The following MTHFD2L variants were observed in gnomAD, a reference collection of about 807,000 sequenced individuals.
The protein encoded by MTHFD2L is bifunctional methylenetetrahydrofolate dehydrogenase/cyclohydrolase 2, mitochondrial.
A neutral mutation model predicts 34.9 loss-of-function variants in MTHFD2L; 29 were observed. The observed-to-expected ratio is 0.83, with a 90% CI of 0.62 to 1.13. The LOEUF (loss-of-function observed/expected upper bound fraction) is 1.13, where lower values mean the gene tolerates loss of function less well. MTHFD2L is among the 50% of genes most tolerant of loss of function. The pLI, the probability that MTHFD2L is intolerant of heterozygous loss-of-function variation, is 0.00. For missense variants in MTHFD2L, 481 were observed against 446.5 expected (o/e 1.08, Z -0.70); for synonymous variants, 167 against 155.7 (o/e 1.07, Z -0.54).
At chr4:74,196,426 AAC>A (rs1560474749) in intron 3 of MTHFD2L, among the ~76,000 whole-genome samples, 1 of 152,160 alleles carries the variant, frequency 6.6e-6, no homozygotes, top group African/African-American at 2.4e-5. Context: ...AAAGGTATGG[AAC>A]ACACAGAGAA....
intron 6 of MTHFD2L, among the ~76,000 whole-genome samples, chr4:74,272,531 CT>C (rs1283435450): frequency 1.3e-5 from 2 of 151,864 alleles, no homozygotes; most frequent in Non-Finnish European, 2.9e-5. Context: ...AATATATTAA[CT>C]TTTTTGTCAG....
chr4:74,237,568 C>T (rs968409538), intron 6 of MTHFD2L, among the ~76,000 whole-genome samples: 12 of 152,058 alleles, frequency 7.9e-5, no homozygotes, highest in Non-Finnish European at 1.5e-4. Flanking sequence ...GAGCTGAGAT[C>T]GCATCACTGC....
At chr4:74,129,122 A>C (rs1252810304) in intron 1 of MTHFD2L, among the ~76,000 whole-genome samples, 1 of 152,082 alleles carries the variant, frequency 6.6e-6, no homozygotes, top group East Asian at 1.9e-4. Flanking sequence ...TAAATATAAC[A>C]AGTTATTTTA....
At chr4:74,190,588 A>G (rs1267339471) in intron 3 of MTHFD2L, 43 of 874,026 alleles carry the variant, frequency 4.9e-5, no homozygotes, top group Non-Finnish European at 5.2e-5. Context: ...GCGAGGTTAG[A>G]GTGTGTTCCC....
chr4:74,302,444 T>A lies in MTHFD2L; in HGVS notation c.*635T>A, dbSNP rs1477120533. 6.6e-6 allele frequency: 1 copy of A among 152,072 alleles called. No individual in the cohort carries two copies. The highest frequency in any genetic ancestry group is 2.4e-5 in the African/African-American group (1 of 41,416). The allele number at this position is 152,072 out of a possible 1,614,324, so 9.4% of individuals were successfully genotyped here. On this transcript the variant is annotated 3_prime_UTR_variant, in exon 8 of 8. Transcript: ENST00000325278. Reference sequence around the variant, plus strand: ...AAAAATGCAGTGCTGTTTGGAAGTGTAATGATTTTATCACATGGTGAATGA... The same window carrying A: ...AAAAATGCAGTGCTGTTTGGAAGTGAAATGATTTTATCACATGGTGAATGA...
At chr4:74,115,727 C>A (rs1017844754) in intron 2 of MTHFD2L, among the ~76,000 whole-genome samples, 2 of 152,220 alleles carry the variant, frequency 1.3e-5, no homozygotes, top group African/African-American at 2.4e-5. Flanking sequence ...AAGAAATACT[C>A]GTGTATATTA....
intron 1 of MTHFD2L, chr4:74,162,385 A>G (rs1725643182): frequency 6.6e-6 from 1 of 152,104 alleles, no homozygotes; most frequent in African/African-American, 2.4e-5. Flanking sequence ...AACGCTATGT[A>G]GGTTTCTATA....
intron 5 of MTHFD2L, among the ~76,000 whole-genome samples, chr4:74,204,515 T>A (rs574354825): frequency 6.6e-6 from 1 of 152,282 alleles, no homozygotes; most frequent in East Asian, 1.9e-4. Context: ...ATTTTTTGGA[T>A]CATATCTGAT....
In MTHFD2L at chr4:74,173,739, G is replaced by GA. The variant is rs1230462546; in HGVS notation, c.144-761dup. Reference sequence around the variant, plus strand: ...CTGTGCTGATTGATCTGCCTCTTTAGAAAAAATAGCAGAACTTTAAATTTA... The same window carrying GA: ...CTGTGCTGATTGATCTGCCTCTTTAGAAAAAAATAGCAGAACTTTAAATTTA... On this transcript the variant is annotated intron_variant, in intron 1 of 7. Coordinates refer to ENST00000325278, the MANE Select transcript of MTHFD2L (RefSeq NM_001144978.3). Among the ~76,000 whole-genome samples the GA allele has an allele frequency of 2.6e-5, 4 of 152,132 alleles. No individual in the cohort carries two copies. The East Asian group carries it at 5.8e-4, about 22-fold the overall frequency.
At chr4:74,198,126 A>C (rs902017765) in intron 3 of MTHFD2L, among the ~76,000 whole-genome samples, 6 of 152,178 alleles carry the variant, frequency 3.9e-5, no homozygotes, top group African/African-American at 1.2e-4. Flanking sequence ...CTGAATTATG[A>C]TCTGAGTTGA....
chr4:74,181,732 A>G (rs1425470945), intron 3 of MTHFD2L: 1 of 152,142 alleles, frequency 6.6e-6, no homozygotes, highest in African/African-American at 2.4e-5. Flanking sequence ...CAGTTTATTC[A>G]AGGGAATTGG....
chr4:74,130,171 G>T (rs772939171), intron 1 of MTHFD2L, among the ~76,000 whole-genome samples: 1 of 152,050 alleles, frequency 6.6e-6, no homozygotes, highest in Non-Finnish European at 1.5e-5. Flanking sequence ...AGAGGAGATG[G>T]TACCATTCCT....
At chr4:74,119,237 G>A (rs1021802652), upstream of MTHFD2L, among the ~76,000 whole-genome samples, 3 of 152,182 alleles carry the variant, frequency 2.0e-5, no homozygotes, top group African/African-American at 7.2e-5. Flanking sequence ...TCTGGTGGCA[G>A]GCTTTAAGTC....
rs59548110 is a variant in MTHFD2L at position 74,131,066 on chromosome 4, C to T, written c.-297+5549C>T. ...GGACCCTTCAAGAAGAACTACAAAC[C>T]GCTGCTCAAGGAAATGAGAGGACAC... is the stretch of plus-strand genomic sequence containing the variant. On this transcript the variant is annotated intron_variant, in intron 1 of 7. Transcript: ENST00000433372. Among the ~76,000 whole-genome samples the T allele has an allele frequency of 2.0e-3, 310 of 152,212 alleles. 2 individuals carry two copies. The highest frequency in any genetic ancestry group is 6.9e-3 in the African/African-American group (288 of 41,530).
At chr4:74,283,170 C>G (rs1747713002) in intron 7 of MTHFD2L, among the ~76,000 whole-genome samples, 1 of 152,196 alleles carries the variant, frequency 6.6e-6, no homozygotes, top group African/African-American at 2.4e-5. Flanking sequence ...CCTTGACTGC[C>G]TGTAAGGCAA....
Position 74,302,049 on chromosome 4 carries a change from T to G in MTHFD2L, c.*240T>G, listed in dbSNP as rs1416745571. On this transcript the variant is annotated 3_prime_UTR_variant, in exon 8 of 8. Coordinates refer to ENST00000325278, the MANE Select transcript of MTHFD2L (RefSeq NM_001144978.3). The stretch of plus-strand genomic sequence containing the variant: ...AAATTTTAGTAACAATTGTTTATTT[T>G]GAGGGTATTTGTTCATAACATTAAA... 3.0e-6 allele frequency: 1 copy of G among 338,476 alleles called. No homozygotes were observed. The highest frequency in any genetic ancestry group is 5.0e-5 in the East Asian group (1 of 19,908). The allele number at this position is 338,476 out of a possible 1,614,324, so 21.0% of individuals were successfully genotyped here. A position where few individuals can be genotyped will look rare whatever the true frequency, so the allele number is the denominator to read the frequency against.
chr4:74,267,658 C>T (rs1745482675), intron 6 of MTHFD2L: 1 of 941,940 alleles, frequency 1.1e-6, no homozygotes. Context: ...TGGTTTTGAA[C>T]TCCTGGGCTC....
intron 6 of MTHFD2L, among the ~76,000 whole-genome samples, chr4:74,260,710 G>A (rs979212587): frequency 2.0e-5 from 3 of 151,932 alleles, no homozygotes; most frequent in African/African-American, 7.3e-5. Flanking sequence ...ATAAAACTAC[G>A]ATAGTCATAT....
chr4:74,165,758 T>G (rs570378138), intron 1 of MTHFD2L, among the ~76,000 whole-genome samples: 1 of 152,244 alleles, frequency 6.6e-6, no homozygotes, highest in Admixed American at 6.5e-5. Context: ...AGGTACTGTC[T>G]CTATAGATGC....
Sources: gnomAD v4.1 joint callset for allele counts (sites outside exome capture counted in the v4.1 genomes callset) on GRCh38, gnomAD v4.1.1 for gene constraint, MANE v1.5 for transcripts, NCBI Gene and HGNC (gene_info 2026-07-23, HGNC 2026-07-21) for gene names.